The following CHRM3 variants were observed in gnomAD, a reference collection of about 807,000 sequenced individuals.
The protein encoded by CHRM3 is cholinergic receptor muscarinic 3, also known as muscarinic acetylcholine receptor M3.
Under a neutral mutation model 41.8 loss-of-function variants are expected in CHRM3, and 11 were observed. That is an observed-to-expected ratio of 0.26 (90% CI 0.17 to 0.44). The LOEUF (loss-of-function observed/expected upper bound fraction) is 0.44. Ranked by LOEUF, CHRM3 falls within the 20% of genes least tolerant of loss-of-function variation. The probability of loss-of-function intolerance (pLI) is 1.00; values close to 1 mark genes in which losing one functional copy is unlikely to be tolerated. For synonymous variants in CHRM3, 297 were observed against 301.4 expected (o/e 0.99, Z 0.15); for missense variants, 571 against 745.4 (o/e 0.77, Z 2.72).
intron 5 of CHRM3, among the ~76,000 whole-genome samples, chr1:239,716,063 A>G (rs1265485831): frequency 1.3e-5 from 2 of 152,016 alleles, no homozygotes; most frequent in South Asian, 2.1e-4. Flanking sequence ...TCTTGGGTTG[A>G]AATTCTGGAG....
At chr1:239,872,994 T>C (rs534918961) in intron 6 of CHRM3, among the ~76,000 whole-genome samples, 1 of 152,226 alleles carries the variant, frequency 6.6e-6, no homozygotes, top group East Asian at 1.9e-4. Flanking sequence ...AAGTTGTCTC[T>C]CGAGTGTACT....
intron 3 of CHRM3, among the ~76,000 whole-genome samples, chr1:239,582,760 C>T (rs1389661092): frequency 6.6e-6 from 1 of 152,130 alleles, no homozygotes; most frequent in Non-Finnish European, 1.5e-5. Context: ...TGTCACTCCC[C>T]TACAGAAGGC....
At chr1:239,492,461 T>G (rs920883608) in intron 1 of CHRM3, among the ~76,000 whole-genome samples, 3 of 152,186 alleles carry the variant, frequency 2.0e-5, no homozygotes, top group Non-Finnish European at 4.4e-5. Flanking sequence ...TTTATCTAAA[T>G]AGGACTTACC....
intron 5 of CHRM3, among the ~76,000 whole-genome samples, chr1:239,746,762 T>C (rs1375296138): frequency 6.6e-6 from 1 of 151,988 alleles, no homozygotes; most frequent in Non-Finnish European, 1.5e-5. Flanking sequence ...TCTTTCTTTC[T>C]TTCTTTTTTT....
chr1:239,597,191 A>G (rs1312738687), intron 3 of CHRM3, among the ~76,000 whole-genome samples: 2 of 152,170 alleles, frequency 1.3e-5, no homozygotes, highest in Non-Finnish European at 2.9e-5. Context: ...CATCAGCGGC[A>G]TTCATTTTTA....
chr1:239,701,400 G>T (rs1033050610), intron 5 of CHRM3, among the ~76,000 whole-genome samples: 2 of 152,100 alleles, frequency 1.3e-5, no homozygotes, highest in African/African-American at 4.8e-5. Flanking sequence ...TTTCCCACTG[G>T]GTCCTCCATG....
At chr1:239,866,633 G>T (rs1676134281) in intron 6 of CHRM3, among the ~76,000 whole-genome samples, 1 of 152,138 alleles carries the variant, frequency 6.6e-6, no homozygotes, top group African/African-American at 2.4e-5. Flanking sequence ...TCTTTATATT[G>T]GTTGTTATAT....
intron 5 of CHRM3, among the ~76,000 whole-genome samples, chr1:239,818,811 C>T (rs1269045897): frequency 6.6e-6 from 1 of 152,152 alleles, no homozygotes; most frequent in African/African-American, 2.4e-5. Context: ...ACAGAGAACA[C>T]AAAGCAGATT....
At chr1:239,867,688 A>AG (rs1015677916) in intron 6 of CHRM3, among the ~76,000 whole-genome samples, 2 of 151,442 alleles carry the variant, frequency 1.3e-5, no homozygotes, top group African/African-American at 4.8e-5. Flanking sequence ...TCTGTCTCAA[A>AG]AAAAAAAAAA....
At chr1:239,833,498 T>A (rs1673057379) in intron 6 of CHRM3, among the ~76,000 whole-genome samples, 1 of 152,056 alleles carries the variant, frequency 6.6e-6, no homozygotes, top group Admixed American at 6.6e-5. Flanking sequence ...TCTCACTACA[T>A]CCCAGTGGAG....
chr1:239,657,956 T>G, intron 4 of CHRM3, among the ~76,000 whole-genome samples: 1 of 152,278 alleles, frequency 6.6e-6, no homozygotes, highest in East Asian at 1.9e-4. Context: ...TGTTGTAGGA[T>G]TTCTGAAAAA....
chr1:239,511,868 A>T (rs1668946296), intron 2 of CHRM3, among the ~76,000 whole-genome samples: 2 of 152,222 alleles, frequency 1.3e-5, no homozygotes, highest in Admixed American at 1.3e-4. Context: ...TTGTAAGGTG[A>T]TAGAAATTAT....
intron 2 of CHRM3, among the ~76,000 whole-genome samples, chr1:239,504,899 T>A (rs1042571724): frequency 5.4e-5 from 8 of 149,496 alleles, no homozygotes; most frequent in Non-Finnish European, 1.2e-4. Flanking sequence ...CAATGGACTT[T>A]GGGGACTTGG....
Position 239,838,058 on chromosome 1 carries a change from G to A in CHRM3, c.-20+10680G>A, listed in dbSNP as rs149849015. Among the ~76,000 whole-genome samples, 13 of 152,270 alleles carry A rather than the reference G, an allele frequency of 8.5e-5. No homozygotes were observed. The East Asian group carries it at 1.7e-3, about 20-fold the overall frequency. ...AAAATATAAGGCTCAGAGAAAGATC[G>A]TGAGGGAAATTATATATGAATTGAA... On this transcript the variant is annotated intron_variant, in intron 6 of 6. Coordinates refer to ENST00000676153, the MANE Select transcript of CHRM3 (RefSeq NM_001375978.1).
At chr1:239,447,178 T>C (rs930151331) in intron 1 of CHRM3, among the ~76,000 whole-genome samples, 13 of 152,204 alleles carry the variant, frequency 8.5e-5, no homozygotes, top group African/African-American at 3.1e-4. Flanking sequence ...TATTTCATCT[T>C]GGTTTTTTTC....
intron 6 of CHRM3, among the ~76,000 whole-genome samples, chr1:239,877,874 T>C (rs1677240824): frequency 6.6e-6 from 1 of 151,166 alleles, no homozygotes; most frequent in Non-Finnish European, 1.5e-5. Context: ...ACATTTATTG[T>C]GCACTTTATT....
chr1:239,634,222 C>T (rs1670188778), intron 4 of CHRM3, among the ~76,000 whole-genome samples: 1 of 152,084 alleles, frequency 6.6e-6, no homozygotes, highest in South Asian at 2.1e-4. Flanking sequence ...ACATTGTCAG[C>T]TCAGTAACCC....
intron 2 of CHRM3, among the ~76,000 whole-genome samples, chr1:239,537,217 G>A (rs1365703212): frequency 6.6e-6 from 1 of 152,138 alleles, no homozygotes; most frequent in African/African-American, 2.4e-5. Flanking sequence ...GTGTTAGGCA[G>A]TTCTTGCATT....
chr1:239,730,368 T>A (rs1663852094), intron 5 of CHRM3: 1 of 151,950 alleles, frequency 6.6e-6, no homozygotes, highest in Non-Finnish European at 1.5e-5. Flanking sequence ...CACAGTTTAA[T>A]AGAGGAGGTA....
Sources: allele counts gnomAD v4.1 joint callset (sites outside exome capture counted in the v4.1 genomes callset), GRCh38; gene constraint gnomAD v4.1.1; transcripts MANE v1.5; gene names NCBI Gene and HGNC (gene_info 2026-07-23, HGNC 2026-07-21).